The following PLAC1 variants were observed in gnomAD, a reference collection of about 807,000 sequenced individuals.
PLAC1 encodes placenta associated 1, also known as placenta-specific protein 1.
For missense variants in PLAC1, 136 were observed against 163.2 expected (o/e 0.83, Z 0.91); for synonymous variants, 68 against 62.1 (o/e 1.09, Z -0.44).
intron 2 of PLAC1, among the ~76,000 whole-genome samples, chrX:134,575,764 G>A (rs1227159349): frequency 1.2e-5 from 1 of 82,384 alleles, no homozygotes. Flanking sequence ...ATAAGACTCC[G>A]TCTCAAAAAA....
chrX:134,758,572 G>T (rs748198859), intron 1 of PLAC1, among the ~76,000 whole-genome samples: 1 of 112,066 alleles, frequency 8.9e-6, no homozygotes, highest in Non-Finnish European at 1.9e-5. Context: ...AACAAATAGT[G>T]CTGGGAAAAA....
chrX:134,650,155 T>C (rs111521719), intron 1 of PLAC1, among the ~76,000 whole-genome samples: 2,894 of 112,468 alleles, frequency 0.026, 112 homozygotes, highest in African/African-American at 0.09. Flanking sequence ...CTTTATAGAA[T>C]CTAAGCATAA....
intron 1 of PLAC1, among the ~76,000 whole-genome samples, chrX:134,630,496 C>G (rs2078256146): frequency 9.0e-6 from 1 of 111,622 alleles, no homozygotes; most frequent in Admixed American, 9.5e-5. Context: ...GCACTCATAC[C>G]AGGCTACTAG....
rs750817404 is a variant in PLAC1, at chrX:134,577,750, CGTGTGTGTGT to C, written c.-58-11020_-58-11011del. On this transcript the variant is annotated intron_variant, in intron 2 of 2. Coordinates refer to ENST00000359237, the MANE Select transcript of PLAC1 (RefSeq NM_021796.4). ...AGAATGCCTCATGTGTGCATGCATG[CGTGTGTGTGT>C]GTGTGTGTGTGTGTGTGTGTGTGTG... is the stretch of plus-strand genomic sequence containing the variant. 3.6e-4 allele frequency among the ~76,000 whole-genome samples: 34 copies of C among 94,146 alleles called. No individual in the cohort carries two copies. The South Asian group carries it at 4.8e-3, about 13-fold the overall frequency. The allele number at this position is 94,146 out of a possible 115,157, so 81.8% of individuals were successfully genotyped here. A position where few individuals can be genotyped will look rare whatever the true frequency, so the allele number is the denominator to read the frequency against.
intron 1 of PLAC1, among the ~76,000 whole-genome samples, chrX:134,631,878 C>T (rs760789508): frequency 8.9e-5 from 10 of 111,883 alleles, no homozygotes; most frequent in East Asian, 5.6e-4. Flanking sequence ...ATGCAGTCTG[C>T]GCAGGAGACA....
Position 134,756,337 on chromosome X carries a change from T to G in PLAC1, n.89+7897A>C, listed in dbSNP as rs1569415419. On this transcript the variant is annotated intron_variant and non_coding_transcript_variant, in intron 1 of 2. Transcript: ENST00000466797. ...AATCGACGTTTTCTTCTAGTGCCTA[T>G]ATGTTTTTTTTTTTAATATTTGGAC... Among the ~76,000 whole-genome samples, 3 of 108,320 alleles carry G rather than the reference T, an allele frequency of 2.8e-5. No individual in the cohort carries two copies. In the Admixed American group the frequency reaches 2.9e-4, roughly 11 times the overall value. The allele number at this position is 108,320 out of a possible 115,157, so 94.1% of individuals were successfully genotyped here.
intron 2 of PLAC1, among the ~76,000 whole-genome samples, chrX:134,583,434 G>GTT (rs11364556): frequency 1.3e-5 from 1 of 77,420 alleles, no homozygotes; most frequent in African/African-American, 4.8e-5. Context: ...CATCTGAGTT[G>GTT]TTTTTTTTTT....
intron 2 of PLAC1, among the ~76,000 whole-genome samples, chrX:134,716,813 G>A (rs193067290): frequency 7.1e-5 from 8 of 112,419 alleles, no homozygotes; most frequent in East Asian, 5.6e-4. Context: ...TCAAACAGAC[G>A]GGAATTCCAG....
intron 2 of PLAC1, among the ~76,000 whole-genome samples, chrX:134,580,857 T>C (rs150546138): frequency 2.9e-3 from 323 of 111,742 alleles, no homozygotes; most frequent in Non-Finnish European, 4.8e-3. Context: ...CGAGACACAC[T>C]GTATATTCAG....
At chrX:134,687,636 G>A (rs754571255) in intron 2 of PLAC1, among the ~76,000 whole-genome samples, 18 of 106,291 alleles carry the variant, frequency 1.7e-4, no homozygotes, top group African/African-American at 6.2e-4. Flanking sequence ...GGCTAGCTAG[G>A]TTATACCCCT....
chrX:134,600,383 T>C (rs2078082781), intron 2 of PLAC1, among the ~76,000 whole-genome samples: 1 of 111,640 alleles, frequency 9.0e-6, no homozygotes, highest in South Asian at 3.8e-4. Context: ...CCCAGGCTGG[T>C]CTTGAACACC....
At chrX:134,602,562 T>C (rs777030596) in intron 1 of PLAC1, among the ~76,000 whole-genome samples, 2 of 112,381 alleles carry the variant, frequency 1.8e-5, no homozygotes, top group Non-Finnish European at 3.8e-5. Flanking sequence ...AAAATAATGC[T>C]ATCAAACTGG....
At chrX:134,655,875 T>A (rs1031354409) in intron 1 of PLAC1, among the ~76,000 whole-genome samples, 1 of 112,213 alleles carries the variant, frequency 8.9e-6, no homozygotes, top group African/African-American at 3.2e-5. Flanking sequence ...CATTGCCCAG[T>A]CTTCTGGTTC....
chrX:134,705,276 G>C (rs1354142738), intron 2 of PLAC1, among the ~76,000 whole-genome samples: 1 of 105,305 alleles, frequency 9.5e-6, no homozygotes, highest in Non-Finnish European at 1.9e-5. Context: ...AAAGTTAGTC[G>C]GGTGTGGTGG....
At chrX:134,714,558 ATGT>A (rs2078637887) in intron 2 of PLAC1, among the ~76,000 whole-genome samples, 1 of 111,476 alleles carries the variant, frequency 9.0e-6, no homozygotes, top group Non-Finnish European at 1.9e-5. Flanking sequence ...TACATTCACA[ATGT>A]TGTGCCACCA....
At chrX:134,707,853 G>A (rs909977692) in intron 2 of PLAC1, among the ~76,000 whole-genome samples, 8 of 111,659 alleles carry the variant, frequency 7.2e-5, no homozygotes, top group African/African-American at 2.6e-4. Flanking sequence ...TTATAAACTG[G>A]AGAAAGTAAA....
At chrX:134,616,659 A>C (rs112050921) in intron 1 of PLAC1, among the ~76,000 whole-genome samples, 12,544 of 110,378 alleles carry the variant, frequency 0.11, 1,734 homozygotes, top group African/African-American at 0.39. Context: ...CAAAACAACA[A>C]AAAAAAATTG....
intron 1 of PLAC1, among the ~76,000 whole-genome samples, chrX:134,603,295 A>G: frequency 3.5e-4 from 1 of 2,863 alleles, no homozygotes; most frequent in Non-Finnish European, 8.0e-4. Context: ...ATATATATAT[A>G]TATATATATA....
chrX:134,582,683 T>C (rs1424911966), intron 2 of PLAC1, among the ~76,000 whole-genome samples: 1 of 111,703 alleles, frequency 9.0e-6, no homozygotes, highest in East Asian at 2.8e-4. Context: ...TCTGTCTAAT[T>C]GGATATTGGA....
Sources: allele counts gnomAD v4.1 joint callset (sites outside exome capture counted in the v4.1 genomes callset), GRCh38; gene constraint gnomAD v4.1.1; transcripts MANE v1.5; gene names NCBI Gene and HGNC (gene_info 2026-07-23, HGNC 2026-07-21).